KCNN2: variants seen among roughly 807,000 people sequenced by gnomAD.
The protein encoded by KCNN2 is potassium calcium-activated channel subfamily N member 2.
A neutral mutation model predicts 55.5 loss-of-function variants in KCNN2; 24 were observed. That is an observed-to-expected ratio of 0.43 (90% CI 0.31 to 0.61). The LOEUF (loss-of-function observed/expected upper bound fraction) is 0.61. KCNN2 is among the 20% of genes least tolerant of loss of function. The pLI is 0.08. For missense variants in KCNN2, 754 were observed against 853.6 expected (o/e 0.88, Z 1.45); for synonymous variants, 431 against 336.1 (o/e 1.28, Z -3.09).
At chr5:114,124,552 C>T (rs1285837578) in intron 1 of KCNN2, among the ~76,000 whole-genome samples, 1 of 152,148 alleles carries the variant, frequency 6.6e-6, no homozygotes, top group Non-Finnish European at 1.5e-5. Context: ...AGTAGAAGCT[C>T]TCACCTCTGT....
chr5:114,072,315 A>G (rs573427081), intron 1 of KCNN2, among the ~76,000 whole-genome samples: 2 of 151,416 alleles, frequency 1.3e-5, no homozygotes, highest in Admixed American at 6.6e-5. Context: ...AGTAATGTCG[A>G]TCCCTTCTTG....
At chr5:114,233,745 C>A (rs1025838698) in intron 2 of KCNN2, among the ~76,000 whole-genome samples, 1 of 152,166 alleles carries the variant, frequency 6.6e-6, no homozygotes, top group African/African-American at 2.4e-5. Context: ...CACAATGAGA[C>A]TTTGCAATTT....
rs927520515 is a variant in KCNN2, at chr5:114,362,604, C to A, written c.465C>A (p.Ser155=). ...CCGCGCAGCAGTCGGCGTCCGCCTC[C>A]CAGTACCACCAGTGCCACAGCCTGC... The part of the protein sequence containing the change: ...QQSAQQSASA[S]QYHQCHSLQP... Residue 155 remains serine (S), a synonymous_variant, in exon 1 of 8, where the codon TCC becomes TCA. Coordinates refer to ENST00000673685, the MANE Select transcript of KCNN2 (RefSeq NM_021614.4). 1.2e-6 allele frequency: 1 copy of A among 863,084 alleles called. No individual in the cohort carries two copies. Among genetic ancestry groups the A allele is most frequent in the Non-Finnish European group, 1.7e-6 (1 of 588,030 alleles). The allele number at this position is 863,084 out of a possible 1,614,324, so 53.5% of individuals were successfully genotyped here.
At chr5:114,199,630 T>G (rs996717855) in intron 1 of KCNN2, among the ~76,000 whole-genome samples, 3 of 152,036 alleles carry the variant, frequency 2.0e-5, no homozygotes, top group African/African-American at 7.2e-5. Flanking sequence ...TTATGTGGCT[T>G]TTATTGTAAA....
intron 2 of KCNN2, among the ~76,000 whole-genome samples, chr5:114,376,707 C>T (rs1451958113): frequency 1.3e-5 from 2 of 152,106 alleles, no homozygotes; most frequent in Non-Finnish European, 2.9e-5. Flanking sequence ...TAATCTTTTT[C>T]TTAAACACAA....
In KCNN2 at chr5:114,429,494, G is replaced by A. The variant is rs543785438; in HGVS notation, c.1637+24638G>A. 3.9e-5 allele frequency among the ~76,000 whole-genome samples: 6 copies of A among 151,996 alleles called. No individual in the cohort carries two copies. In the East Asian group the frequency reaches 7.7e-4, roughly 20 times the overall value. ...AGATCTTTTGCCCATTTTCTAAATC[G>A]GGTTGTTCATTTTCTTATTGTAGAG... On this transcript the variant is annotated intron_variant, in intron 3 of 7. Transcript: ENST00000673685.
intron 3 of KCNN2, among the ~76,000 whole-genome samples, chr5:114,409,563 G>A (rs895961987): frequency 2.6e-5 from 4 of 152,150 alleles, no homozygotes; most frequent in Admixed American, 6.5e-5. Flanking sequence ...GTAAAAAGGG[G>A]AGATTCACAT....
chr5:114,122,843 G>A (rs974787517), intron 1 of KCNN2, among the ~76,000 whole-genome samples: 1 of 152,224 alleles, frequency 6.6e-6, no homozygotes, highest in African/African-American at 2.4e-5. Context: ...TCACCCCTGG[G>A]ATGGGAAGTT....
chr5:114,057,172 G>A (rs1257428175), intron 1 of KCNN2: 1 of 152,180 alleles, frequency 6.6e-6, no homozygotes, highest in South Asian at 2.1e-4. Context: ...CTAGGTTCAG[G>A]TTGGTTTGGT....
rs116262813 is a variant in KCNN2 at position 114,155,417 on chromosome 5, C to T, written c.-270-66063C>T. ...GGGTGTATACCCGGTAATGAGATTG[C>T]GGGTCAAATGTTATTTCTATTTTTA... On this transcript the variant is annotated intron_variant, in intron 1 of 10. Transcript: ENST00000512097. Among the ~76,000 whole-genome samples the T allele has an allele frequency of 8.2e-3, 1,241 of 152,144 alleles. 19 individuals carry two copies. The highest frequency in any genetic ancestry group is 0.028 in the African/African-American group (1,144 of 41,542).
At chr5:114,063,046 C>A (rs1750364673) in intron 1 of KCNN2, among the ~76,000 whole-genome samples, 1 of 152,116 alleles carries the variant, frequency 6.6e-6, no homozygotes, top group Non-Finnish European at 1.5e-5. Context: ...TTTTTTCTTT[C>A]CATGTCAGAG....
At chr5:114,237,062 C>T (rs1205055307) in intron 2 of KCNN2, among the ~76,000 whole-genome samples, 1 of 152,038 alleles carries the variant, frequency 6.6e-6, no homozygotes, top group African/African-American at 2.4e-5. Context: ...ATAAGTCTTG[C>T]TATACATGTG....
At chr5:114,283,693 C>G (rs151320455) in intron 2 of KCNN2, among the ~76,000 whole-genome samples, 3 of 152,248 alleles carry the variant, frequency 2.0e-5, no homozygotes, top group African/African-American at 7.2e-5. Context: ...TTGGAAGAAG[C>G]TTGAATGACA....
At chr5:114,106,157 T>C (rs1226972293) in intron 1 of KCNN2, among the ~76,000 whole-genome samples, 1 of 151,916 alleles carries the variant, frequency 6.6e-6, no homozygotes, top group Admixed American at 6.6e-5. Context: ...CCATTAGCAG[T>C]CTACTTGTTA....
At chr5:114,461,852 G>A (rs1280911741) in intron 3 of KCNN2, among the ~76,000 whole-genome samples, 1 of 152,140 alleles carries the variant, frequency 6.6e-6, no homozygotes, top group African/African-American at 2.4e-5. Flanking sequence ...AGACACAGAT[G>A]GGGAATTGAG....
chr5:114,427,411 C>T (rs1333519569), intron 3 of KCNN2, among the ~76,000 whole-genome samples: 2 of 152,134 alleles, frequency 1.3e-5, no homozygotes, highest in African/African-American at 4.8e-5. Context: ...GGGACAATCC[C>T]ATAGGTGGAG....
At chr5:114,364,119 A>G (rs1757533484) in intron 2 of KCNN2, 118 bp downstream of exon 2, 1 of 732,004 alleles carries the variant, frequency 1.4e-6, no homozygotes, top group Admixed American at 2.2e-5. Context: ...TACAGAAGAC[A>G]CATGCTGTAT....
intron 2 of KCNN2, among the ~76,000 whole-genome samples, chr5:114,247,863 G>A (rs1265998388): frequency 6.6e-6 from 1 of 152,024 alleles, no homozygotes; most frequent in Non-Finnish European, 1.5e-5. Flanking sequence ...TTCTGGATTT[G>A]CTAATATTAT....
intron 2 of KCNN2, among the ~76,000 whole-genome samples, chr5:114,380,160 A>C (rs1273202994): frequency 2.0e-5 from 3 of 152,242 alleles, no homozygotes; most frequent in Middle Eastern, 6.8e-3. Context: ...AAGTGTCAAT[A>C]AACAACATGC....
Sources: gnomAD v4.1 joint callset for allele counts (sites outside exome capture counted in the v4.1 genomes callset) on GRCh38, gnomAD v4.1.1 for gene constraint, MANE v1.5 for transcripts, NCBI Gene and HGNC (gene_info 2026-07-23, HGNC 2026-07-21) for gene names.